Variants in MTUS2 observed in about 807,000 individuals in gnomAD.
MTUS2 encodes microtubule-associated tumor suppressor candidate 2.
A neutral mutation model predicts 114.1 loss-of-function variants in MTUS2; 40 were observed. The observed-to-expected ratio is 0.35, with a 90% CI of 0.27 to 0.46. The LOEUF (loss-of-function observed/expected upper bound fraction) is 0.46. Among genes scored for constraint, MTUS2 ranks in the 20% least tolerant of loss-of-function variants. The pLI is 1.00. For synonymous variants in MTUS2, 688 were observed against 672.0 expected (o/e 1.02, Z -0.37); for missense variants, 1,679 against 1,705.4 (o/e 0.98, Z 0.27).
intron 2 of MTUS2, among the ~76,000 whole-genome samples, chr13:28,930,801 A>C (rs1881574542): frequency 6.6e-6 from 1 of 152,202 alleles, no homozygotes; most frequent in Non-Finnish European, 1.5e-5. Context: ...TCCCCAGCAC[A>C]CCAGAGGGAG....
intron 14 of MTUS2, among the ~76,000 whole-genome samples, chr13:29,499,951 G>A (rs898847842): frequency 2.0e-5 from 3 of 152,240 alleles, no homozygotes; most frequent in African/African-American, 7.2e-5. Flanking sequence ...CCCAGCTCAG[G>A]CCAGGCCTAG....
chr13:29,046,198 G>A (rs1189414682), intron 4 of MTUS2, among the ~76,000 whole-genome samples: 5 of 149,882 alleles, frequency 3.3e-5, no homozygotes, highest in South Asian at 2.1e-4. Context: ...CTTCAGCCTC[G>A]ACCTCCCAGG....
intron 2 of MTUS2, among the ~76,000 whole-genome samples, chr13:28,922,931 C>A (rs1881127383): frequency 6.6e-6 from 1 of 152,206 alleles, no homozygotes; most frequent in African/African-American, 2.4e-5. Context: ...TTAAAATACT[C>A]TTTTAGCCCA....
At chr13:29,322,434 G>A (rs1053632277) in intron 6 of MTUS2, among the ~76,000 whole-genome samples, 2 of 152,192 alleles carry the variant, frequency 1.3e-5, no homozygotes, top group African/African-American at 4.8e-5. Flanking sequence ...CCTTCTGTGA[G>A]CCCTGAAATG....
intron 5 of MTUS2, among the ~76,000 whole-genome samples, chr13:29,158,358 C>CCCCCCCCCTCTTTT: frequency 3.4e-4 from 11 of 32,056 alleles, no homozygotes; most frequent in Admixed American, 4.2e-4. Flanking sequence ...GTCCACCCCG[C>CCCCCCCCCTCTTTT]TTTTTTTTTT....
At chr13:29,362,992 A>T (rs571816207) in intron 8 of MTUS2, among the ~76,000 whole-genome samples, 1 of 152,338 alleles carries the variant, frequency 6.6e-6, no homozygotes, top group African/African-American at 2.4e-5. Context: ...TGCTGGTTGC[A>T]GGCAGCTCTG....
At chr13:29,494,890 A>C (rs1593517002) in intron 12 of MTUS2, among the ~76,000 whole-genome samples, 2 of 152,082 alleles carry the variant, frequency 1.3e-5, no homozygotes, top group South Asian at 4.2e-4. Flanking sequence ...ATACAAAAAA[A>C]TTAGTCGGAT....
intron 2 of MTUS2, among the ~76,000 whole-genome samples, chr13:28,846,062 A>G (rs1875865346): frequency 6.7e-6 from 1 of 148,400 alleles, no homozygotes; most frequent in Admixed American, 6.7e-5. Flanking sequence ...AAAAATATAT[A>G]TATATATATA....
intron 7 of MTUS2, among the ~76,000 whole-genome samples, chr13:29,326,433 A>G (rs1031916465): frequency 6.6e-6 from 1 of 152,196 alleles, no homozygotes; most frequent in African/African-American, 2.4e-5. Context: ...AGACTTAACC[A>G]TGTTAAAATA....
intron 7 of MTUS2, among the ~76,000 whole-genome samples, chr13:29,333,907 C>A (rs1900920877): frequency 2.0e-5 from 3 of 152,304 alleles, no homozygotes; most frequent in South Asian, 2.1e-4. Context: ...ATGGTTAGAT[C>A]TTCTTGTTGC....
intron 8 of MTUS2, among the ~76,000 whole-genome samples, chr13:29,417,283 T>C (rs1875738742): frequency 6.6e-6 from 1 of 152,170 alleles, no homozygotes; most frequent in South Asian, 2.1e-4. Context: ...CTTCAAGCCA[T>C]TTATGAGAGA....
chr13:28,866,481 A>G (rs1402644188), intron 2 of MTUS2, among the ~76,000 whole-genome samples: 1 of 152,100 alleles, frequency 6.6e-6, no homozygotes, highest in African/African-American at 2.4e-5. Flanking sequence ...ATTGGTGCTT[A>G]TGGCATCTGT....
At chr13:28,885,308 A>T (rs1367694159) in intron 2 of MTUS2, among the ~76,000 whole-genome samples, 1 of 152,178 alleles carries the variant, frequency 6.6e-6, no homozygotes, top group African/African-American at 2.4e-5. Flanking sequence ...GTCAGCAGGG[A>T]GGAGTGGCTG....
chr13:29,065,484 G>T lies in MTUS2; in HGVS notation c.2446+31359G>T, dbSNP rs9508247. ...ATGCTTTTTAATGGGGTTGTTTGTT[G>T]TTTTCTTATCAATTTGTTTCAGTTC... On this transcript the variant is annotated intron_variant, in intron 4 of 15. Transcript: ENST00000612955. 4.3e-3 allele frequency among the ~76,000 whole-genome samples: 653 copies of T among 151,814 alleles called. 5 individuals are homozygous for T. Among genetic ancestry groups the T allele is most frequent in the Non-Finnish European group, 6.7e-3 (453 of 67,908 alleles).
At chr13:29,003,245 A>G (rs1885462467) in intron 2 of MTUS2, among the ~76,000 whole-genome samples, 1 of 152,180 alleles carries the variant, frequency 6.6e-6, no homozygotes, top group Non-Finnish European at 1.5e-5. Flanking sequence ...AGTTTTCATG[A>G]AGCAACTCTG....
At chr13:28,844,897 A>G (rs1369877171) in intron 2 of MTUS2, among the ~76,000 whole-genome samples, 2 of 152,200 alleles carry the variant, frequency 1.3e-5, no homozygotes, top group East Asian at 3.8e-4. Context: ...GATTACAGGC[A>G]TGAGCCACCA....
intron 2 of MTUS2, among the ~76,000 whole-genome samples, chr13:28,996,151 A>G (rs1348726876): frequency 1.3e-5 from 2 of 152,160 alleles, no homozygotes; most frequent in East Asian, 1.9e-4. Context: ...ATCTATTGAG[A>G]TAATCATGTG....
chr13:29,101,228 G>T (rs1890406232), intron 5 of MTUS2, among the ~76,000 whole-genome samples: 1 of 151,924 alleles, frequency 6.6e-6, no homozygotes, highest in Non-Finnish European at 1.5e-5. Flanking sequence ...ACAGATTCCA[G>T]CAGCCCTTTG....
At chr13:29,303,184 C>A (rs1296338556) in intron 6 of MTUS2, among the ~76,000 whole-genome samples, 1 of 152,140 alleles carries the variant, frequency 6.6e-6, no homozygotes, top group Non-Finnish European at 1.5e-5. Flanking sequence ...GTAGATAAGC[C>A]CACAAAGATG....
Sources: allele counts gnomAD v4.1 joint callset (sites outside exome capture counted in the v4.1 genomes callset), GRCh38; gene constraint gnomAD v4.1.1; transcripts MANE v1.5; gene names NCBI Gene and HGNC (gene_info 2026-07-23, HGNC 2026-07-21).